Variants in SAP130 observed in about 807,000 individuals in gnomAD.
SAP130 encodes Sin3A associated protein 130, also known as histone deacetylase complex subunit SAP130.
Under a neutral mutation model 103.2 loss-of-function variants are expected in SAP130, and 16 were observed. That is an observed-to-expected ratio of 0.16 (90% CI 0.10 to 0.24). The LOEUF is 0.24. Ranked by LOEUF, SAP130 falls within the 10% of genes least tolerant of loss-of-function variation. The probability of loss-of-function intolerance (pLI) is 1.00; values close to 1 mark genes in which losing one functional copy is unlikely to be tolerated. For synonymous variants in SAP130, 477 were observed against 497.0 expected, an observed-to-expected ratio of 0.96 and a Z score of 0.53; for missense variants, 990 against 1,359.7, an observed-to-expected ratio of 0.73 and a Z score of 4.28.
At chr2:127,968,418 T>G (rs1559051482) in intron 15 of SAP130, among the ~76,000 whole-genome samples, 3 of 136,774 alleles carry the variant, frequency 2.2e-5, no homozygotes, top group Non-Finnish European at 3.2e-5. Context: ...GAGTTGGTTT[T>G]TTTTTTTTTT....
intron 15 of SAP130, among the ~76,000 whole-genome samples, chr2:127,967,367 G>A (rs1318105958): frequency 2.4e-4 from 37 of 152,144 alleles, no homozygotes; most frequent in Admixed American, 2.4e-3. Context: ...AGAATTAAAG[G>A]GAGAGACAGA....
At chr2:128,026,993 T>C in intron 1 of SAP130, 13 of 1,164,500 alleles carry the variant, frequency 1.1e-5, no homozygotes, top group Non-Finnish European at 1.5e-5. Flanking sequence ...GGACGCCGGT[T>C]TCCAGACACC....
At chr2:127,954,841 T>G (rs1679720333) in intron 16 of SAP130, 145 bp downstream of exon 16, 2 of 620,076 alleles carry the variant, frequency 3.2e-6, no homozygotes, top group East Asian at 5.5e-5. Context: ...TTCTTCTACT[T>G]ATCAAAAACT....
chr2:127,944,574 C>T (rs6727460), intron 19 of SAP130, among the ~76,000 whole-genome samples: 59,084 of 151,700 alleles, frequency 0.39, 13,995 homozygotes, highest in Non-Finnish European at 0.51. Flanking sequence ...GCATTACAGG[C>T]GCCTGCCACC....
At position 127,996,911 on chromosome 2, in the gene SAP130, T is replaced by C. The variant is rs1683213986; in HGVS notation, c.1214-420A>G. Among the ~76,000 whole-genome samples the C allele has an allele frequency of 1.3e-5, 2 of 152,122 alleles. No individual in the cohort carries two copies. Among genetic ancestry groups the C allele is most frequent in the Non-Finnish European group, 2.9e-5 (2 of 68,020 alleles). On this transcript the variant is annotated intron_variant, in intron 10 of 20. Coordinates refer to ENST00000643581, the MANE Select transcript of SAP130 (RefSeq NM_001330301.2). This position sits in a 1 kb window ranked among gnomAD's most constrained non-coding sequence, Gnocchi z 4.3. Reference sequence around the variant, plus strand: ...CAGCCTCACTCACAGACTGGGACCCTGTCTCAAAATAAATAAATAAACACA... The same window carrying C: ...CAGCCTCACTCACAGACTGGGACCCCGTCTCAAAATAAATAAATAAACACA...
At chr2:127,948,402 C>T (rs1010521920) in intron 18 of SAP130, among the ~76,000 whole-genome samples, 5 of 132,176 alleles carry the variant, frequency 3.8e-5, no homozygotes, top group African/African-American at 1.2e-4. Flanking sequence ...AGCGGTGGTG[C>T]GATCTTGGCT....
intron 16 of SAP130, among the ~76,000 whole-genome samples, chr2:127,950,622 C>T (rs753086670): frequency 2.0e-5 from 3 of 152,232 alleles, no homozygotes; most frequent in Admixed American, 1.3e-4. Flanking sequence ...AGGTCCAGGA[C>T]GTCCTTTGAC....
Position 127,941,911 on chromosome 2 carries a change from T to C in SAP130, c.*95A>G. ...CGGGAACTAAGGAACACTTCCTTTA[T>C]TTCAATGTTCCACTTTGGAAAAAAC... On this transcript the variant is annotated 3_prime_UTR_variant, in exon 21 of 21. Transcript: ENST00000643581. 2.2e-6 allele frequency: 2 copies of C among 924,024 alleles called. No homozygotes were observed. Among genetic ancestry groups the C allele is most frequent in the Non-Finnish European group, 3.4e-6 (2 of 595,654 alleles). The allele number at this position is 924,024 out of a possible 1,614,324, so 57.2% of individuals were successfully genotyped here.
intron 13 of SAP130, among the ~76,000 whole-genome samples, chr2:127,988,111 G>T (rs897843511): frequency 1.5e-4 from 23 of 152,062 alleles, no homozygotes; most frequent in African/African-American, 5.6e-4. Context: ...TGAATTCAAG[G>T]TCTACAGAAC....
intron 2 of SAP130, 126 bp downstream of exon 2, chr2:128,026,055 C>T: frequency 1.5e-6 from 1 of 684,804 alleles, no homozygotes; most frequent in East Asian, 2.7e-5. Flanking sequence ...TAGTAATATA[C>T]CCTTTCTTCA....
chr2:128,001,710 T>C (rs1223981852), intron 7 of SAP130, among the ~76,000 whole-genome samples: 4 of 152,200 alleles, frequency 2.6e-5, no homozygotes, highest in Non-Finnish European at 5.9e-5. Context: ...ATAGCCTCGG[T>C]GTGTAGTAGG....
At chr2:127,978,268 A>C (rs1681617028) in intron 14 of SAP130, among the ~76,000 whole-genome samples, 179 bp from the exon 15 acceptor site, 1 of 152,008 alleles carries the variant, frequency 6.6e-6, no homozygotes, top group South Asian at 2.1e-4. Flanking sequence ...CAAAAAACTC[A>C]AATAGTACAC....
intron 10 of SAP130, among the ~76,000 whole-genome samples, chr2:127,998,277 A>G (rs143559783): frequency 3.0e-4 from 45 of 152,344 alleles, no homozygotes; most frequent in African/African-American, 1.1e-3. Flanking sequence ...TGAGAACATG[A>G]TCATATGTTG....
At chr2:127,956,702 T>TAAAAAAAAAA (rs55931869) in intron 15 of SAP130, among the ~76,000 whole-genome samples, 3 of 111,266 alleles carry the variant, frequency 2.7e-5, no homozygotes, top group Non-Finnish European at 3.7e-5. Flanking sequence ...TAAAGTATAA[T>TAAAAAAAAAA]AAAAAAAAAA....
intron 15 of SAP130, among the ~76,000 whole-genome samples, chr2:127,971,218 G>A (rs1448926819): frequency 6.6e-6 from 1 of 151,508 alleles, no homozygotes; most frequent in Non-Finnish European, 1.5e-5. Flanking sequence ...CTCCTAAGGT[G>A]CTAGAATTAT....
At chr2:128,025,003 C>CAAAAA (rs35797540) in intron 2 of SAP130, among the ~76,000 whole-genome samples, 5 of 100,252 alleles carry the variant, frequency 5.0e-5, no homozygotes, top group African/African-American at 6.9e-5. Context: ...CCCTATTGCG[C>CAAAAA]AAAAAAAAAA....
chr2:128,027,549 G>C (rs1057511596), intron 1 of SAP130, among the ~76,000 whole-genome samples: 3 of 151,992 alleles, frequency 2.0e-5, no homozygotes, highest in African/African-American at 7.2e-5. Flanking sequence ...GCCAGGGTCT[G>C]AAAGCGGCGG....
At chr2:128,021,497 G>A (rs1035869754) in intron 2 of SAP130, among the ~76,000 whole-genome samples, 9 of 150,874 alleles carry the variant, frequency 6.0e-5, no homozygotes, top group East Asian at 1.9e-4. Flanking sequence ...ACTGATATAC[G>A]TTTTCTTTTT....
At chr2:127,961,930 G>T (rs1487175538) in intron 15 of SAP130, among the ~76,000 whole-genome samples, 1 of 152,154 alleles carries the variant, frequency 6.6e-6, no homozygotes, top group African/African-American at 2.4e-5. Context: ...GCTGTCCAGG[G>T]AGCAGCAAGC....
Sources: gnomAD v4.1 joint callset for allele counts (sites outside exome capture counted in the v4.1 genomes callset) on GRCh38, gnomAD v4.1.1 for gene constraint, Gnocchi (gnomAD v3.1) non-coding constraint, MANE v1.5 for transcripts, NCBI Gene and HGNC (gene_info 2026-07-23, HGNC 2026-07-21) for gene names.